MAP2: variants seen among roughly 807,000 people sequenced by gnomAD.
The protein encoded by MAP2 is microtubule associated protein 2.
A neutral mutation model predicts 137.6 loss-of-function variants in MAP2; 14 were observed. That is an observed-to-expected ratio of 0.10 (90% CI 0.07 to 0.16). MAP2 has a LOEUF of 0.16. MAP2 is among the 10% of genes least tolerant of loss of function. The pLI is 1.00. For synonymous variants in MAP2, 786 were observed against 782.3 expected (o/e 1.00, Z -0.08); for missense variants, 2,088 against 2,191.5 (o/e 0.95, Z 0.94).
chr2:209,667,794 G>A (rs886844759), intron 5 of MAP2, among the ~76,000 whole-genome samples: 2 of 151,852 alleles, frequency 1.3e-5, no homozygotes, highest in African/African-American at 4.8e-5. Context: ...TATGTTGTAT[G>A]GGTATAGTAA....
Position 209,490,605 on chromosome 2 carries a change from C to CAAAAAAAAAAAAAAAA in MAP2, c.-221-16972_-221-16957dup, listed in dbSNP as rs59133937. Among the ~76,000 whole-genome samples the CAAAAAAAAAAAAAAAA allele has an allele frequency of 1.4e-3, 8 of 5,562 alleles. 4 individuals carry two copies. The highest frequency in any genetic ancestry group is 1.5e-3 in the African/African-American group (2 of 1,346). 3.6% of individuals were successfully genotyped at this position (5,562 alleles called of 152,430 possible). ...GAAGATTTACCAAGCAAATGGAAAG[C>CAAAAAAAAAAAAAAAA]AAAAAAAAAAAAAAAAAAAAAAAAA... is the stretch of plus-strand genomic sequence containing the variant. On this transcript the variant is annotated intron_variant, in intron 1 of 15. Transcript: ENST00000682079.
At chr2:209,687,824 C>T (rs1446767743) in intron 7 of MAP2, among the ~76,000 whole-genome samples, 1 of 152,156 alleles carries the variant, frequency 6.6e-6, no homozygotes, top group Non-Finnish European at 1.5e-5. Context: ...ATCTCAGTGT[C>T]TGTGCCTGAT....
chr2:209,476,378 C>G (rs1320999088), intron 1 of MAP2, among the ~76,000 whole-genome samples: 1 of 147,350 alleles, frequency 6.8e-6, no homozygotes, highest in Non-Finnish European at 1.5e-5. Context: ...GTAGTCCTCC[C>G]CACGATTTGT....
chr2:209,637,340 G>A (rs2093653843), intron 4 of MAP2, among the ~76,000 whole-genome samples: 1 of 152,064 alleles, frequency 6.6e-6, no homozygotes, highest in African/African-American at 2.4e-5. Context: ...CTACTTGGGA[G>A]GCTGAGGAAC....
intron 13 of MAP2, among the ~76,000 whole-genome samples, chr2:209,718,384 CAAG>C (rs1476741839): frequency 6.6e-6 from 1 of 151,876 alleles, no homozygotes; most frequent in Non-Finnish European, 1.5e-5. Context: ...AAAATTTAAA[CAAG>C]AAAAAATTTA....
At chr2:209,429,701 C>T (rs1193182726) in intron 1 of MAP2, among the ~76,000 whole-genome samples, 1 of 152,068 alleles carries the variant, frequency 6.6e-6, no homozygotes, top group African/African-American at 2.4e-5. Context: ...AGTAAATATA[C>T]AAACTGACTC....
In MAP2 at chr2:209,704,365, T is replaced by C. The variant is rs891892234; in HGVS notation, c.4585-1215T>C. 6.2e-5 allele frequency: 74 copies of C among 1,199,822 alleles called. No homozygotes were observed. In the Middle Eastern group the frequency reaches 1.0e-3, roughly 16 times the overall value. The allele number at this position is 1,199,822 out of a possible 1,614,324, so 74.3% of individuals were successfully genotyped here. A position where few individuals can be genotyped will look rare whatever the true frequency, so the allele number is the denominator to read the frequency against. Reference sequence around the variant, plus strand: ...CTTATTAAAAAGACTTTGAGTTTCTTATATGTTTATACTTCTTTTTTATCT... The same window carrying C: ...CTTATTAAAAAGACTTTGAGTTTCTCATATGTTTATACTTCTTTTTTATCT... On this transcript the variant is annotated intron_variant, in intron 11 of 15. Coordinates refer to ENST00000682079, the MANE Select transcript of MAP2 (RefSeq NM_001375505.1).
intron 2 of MAP2, among the ~76,000 whole-genome samples, chr2:209,555,816 A>G (rs1443602990): frequency 6.6e-6 from 1 of 152,132 alleles, no homozygotes; most frequent in Non-Finnish European, 1.5e-5. Flanking sequence ...AAACTGGAGA[A>G]TGCCAATATT....
chr2:209,465,100 T>C (rs1312197942), intron 1 of MAP2, among the ~76,000 whole-genome samples: 3 of 152,138 alleles, frequency 2.0e-5, no homozygotes, highest in Non-Finnish European at 4.4e-5. Flanking sequence ...CGTGAATTAA[T>C]AAAATCTTAG....
At chr2:209,490,176 C>A (rs6714544) in intron 1 of MAP2, among the ~76,000 whole-genome samples, 1 of 152,122 alleles carries the variant, frequency 6.6e-6, no homozygotes, top group African/African-American at 2.4e-5. Context: ...GCCAGCCAAA[C>A]TAAGCTTCAT....
At position 209,695,385 on chromosome 2, in the gene MAP2, T is replaced by C; in HGVS notation, c.3215T>C (p.Leu1072Pro). Residue 1072 changes from leucine (L) to proline (P), a missense_variant, in exon 8 of 16, where the codon CTT becomes CCT. Coordinates refer to ENST00000682079, the MANE Select transcript of MAP2 (RefSeq NM_001375505.1). The part of the protein sequence containing the change: ...IDDRRATELK[L>P]EATQDMTPSS... ...GATAGAAGGGCAACAGAGCTAAAAC[T>C]TGAGGCTACACAGGACATGACCCCC... 6.2e-7 allele frequency: 1 copy of C among 1,613,238 alleles called. No homozygotes were observed. Among genetic ancestry groups the C allele is most frequent in the Non-Finnish European group, 8.5e-7 (1 of 1,179,678 alleles).
chr2:209,424,984 G>A (rs1248972149), intron 1 of MAP2, among the ~76,000 whole-genome samples: 2 of 151,920 alleles, frequency 1.3e-5, no homozygotes, highest in African/African-American at 4.8e-5. Context: ...TTTTTGGTGG[G>A]GAGAGGAGGA....
Position 209,694,617 on chromosome 2 carries a change from G to T in MAP2, c.2447G>T (p.Arg816Met), listed in dbSNP as rs533308612. Residue 816 changes from arginine to methionine, a missense_variant, in exon 8 of 16, where the codon AGG (arginine) becomes ATG (methionine). Physicochemically the swap from Arg to Met is moderately conservative, Grantham distance 91. Coordinates refer to ENST00000682079, the MANE Select transcript of MAP2 (RefSeq NM_001375505.1). ...GAAATGCTAGATCTGGCAGGCACAA[G>T]GTCAAGATTGGCTTCTGTGAGTGCA... ...LPEMLDLAGT[R>M]SRLASVSADA... 1 of 1,614,134 alleles carries T rather than the reference G, an allele frequency of 6.2e-7. No homozygotes were observed. The highest frequency in any genetic ancestry group is 1.3e-5 in the African/African-American group (1 of 75,044).
intron 1 of MAP2, among the ~76,000 whole-genome samples, chr2:209,439,067 C>T (rs1258850015): frequency 6.6e-6 from 1 of 151,366 alleles, no homozygotes; most frequent in African/African-American, 2.4e-5. Flanking sequence ...TGAAGTTATA[C>T]ATGAACAGTG....
chr2:209,583,668 A>C (rs2077035573), intron 3 of MAP2, among the ~76,000 whole-genome samples: 2 of 152,118 alleles, frequency 1.3e-5, no homozygotes, highest in South Asian at 4.1e-4. Context: ...CTTGCAAAGG[A>C]GTATTTACAG....
intron 5 of MAP2, among the ~76,000 whole-genome samples, chr2:209,672,326 A>G (rs1430649045): frequency 3.3e-5 from 5 of 151,920 alleles, no homozygotes. Flanking sequence ...GAATAATCTC[A>G]GTGTCTGACA....
At position 209,696,665 on chromosome 2, in the gene MAP2, G is replaced by A; in HGVS notation, c.4304G>A (p.Arg1435Lys). Reference protein sequence around the residue: ...HRKEKPFKTGRGRISTPERKV... With the variant: ...HRKEKPFKTGKGRISTPERKV... ...AAAGAAAAGCCTTTTAAAACCGGGA[G>A]AGGCAGAATTTCCACTCCTGAAAGA... Residue 1435 changes from arginine to lysine, a missense_variant, in exon 9 of 16, where the codon AGA (arginine) becomes AAA (lysine). Arg to Lys is a conservative substitution (Grantham distance 26, BLOSUM62 2). This residue lies in a region of MAP2 where 591 missense variants were observed against 642.6 expected (regional missense o/e 0.92). Transcript: ENST00000682079. 2 of 1,613,938 alleles carry A rather than the reference G, an allele frequency of 1.2e-6. No homozygotes were observed. Among genetic ancestry groups the A allele is most frequent in the Non-Finnish European group, 1.7e-6 (2 of 1,179,926 alleles).
At chr2:209,590,509 A>G (rs2153429420) in intron 3 of MAP2, among the ~76,000 whole-genome samples, 2 of 152,080 alleles carry the variant, frequency 1.3e-5, no homozygotes, top group South Asian at 2.1e-4. Context: ...CTAATTTTGT[A>G]TTTTTAGTAG....
At chr2:209,527,532 A>T (rs2064256949) in intron 2 of MAP2, among the ~76,000 whole-genome samples, 1 of 152,040 alleles carries the variant, frequency 6.6e-6, no homozygotes, top group Non-Finnish European at 1.5e-5. Flanking sequence ...CACAATTCCC[A>T]TCCCACTAGC....
Sources: allele counts gnomAD v4.1 joint callset (sites outside exome capture counted in the v4.1 genomes callset), GRCh38; gene constraint gnomAD v4.1.1; regional missense constraint gnomAD v4.1.1; transcripts MANE v1.5; gene names NCBI Gene and HGNC (gene_info 2026-07-23, HGNC 2026-07-21).